Variants in NEGR1 observed in about 807,000 individuals in gnomAD.
The protein encoded by NEGR1 is neuronal growth regulator 1.
NEGR1 carries 10 observed loss-of-function variants against 40.9 expected under a neutral mutation model. That is an observed-to-expected ratio of 0.24 (90% confidence interval 0.15 to 0.42). The LOEUF (loss-of-function observed/expected upper bound fraction) is 0.42. NEGR1 is among the 10% of genes least tolerant of loss of function. The pLI is 1.00. For missense variants in NEGR1, 352 were observed against 438.9 expected (o/e 0.80, Z 1.77); for synonymous variants, 185 against 166.8 (o/e 1.11, Z -0.84).
chr1:71,868,505 T>C (rs1328891582), intron 2 of NEGR1, among the ~76,000 whole-genome samples: 1 of 151,894 alleles, frequency 6.6e-6, no homozygotes, highest in Non-Finnish European at 1.5e-5. Flanking sequence ...CATACATACA[T>C]ACATACATAC....
At chr1:71,976,622 T>C (rs1176087152) in intron 1 of NEGR1, among the ~76,000 whole-genome samples, 1 of 152,192 alleles carries the variant, frequency 6.6e-6, no homozygotes, top group Non-Finnish European at 1.5e-5. Context: ...TTGGGTAGCT[T>C]TTTTTAAAAA....
intron 1 of NEGR1, among the ~76,000 whole-genome samples, chr1:71,954,944 T>C (rs1377738916): frequency 6.6e-6 from 1 of 152,162 alleles, no homozygotes; most frequent in South Asian, 2.1e-4. Context: ...GCAAAAGTAA[T>C]TTATAGAGTT....
rs573034282 is a variant in NEGR1, at chr1:72,210,039, G to A, written c.176+72280C>T. Among the ~76,000 whole-genome samples, 6 of 151,922 alleles carry A rather than the reference G, an allele frequency of 3.9e-5. No homozygotes were observed. In the South Asian group the frequency reaches 8.3e-4, roughly 21 times the overall value. On this transcript the variant is annotated intron_variant, in intron 1 of 6. Coordinates refer to ENST00000357731, the MANE Select transcript of NEGR1 (RefSeq NM_173808.3). ...TGCGGATGATAAAGGAATAAACTAG[G>A]CTTTGGAAGATATTCTTGAAATTAC...
intron 6 of NEGR1, among the ~76,000 whole-genome samples, chr1:71,437,281 G>T (rs1364171463): frequency 6.6e-6 from 1 of 151,968 alleles, no homozygotes; most frequent in Non-Finnish European, 1.5e-5. Context: ...AGGTTTTTAG[G>T]GAGTGATAAC....
chr1:71,908,428 C>A (rs1489920868), intron 2 of NEGR1, among the ~76,000 whole-genome samples: 1 of 151,972 alleles, frequency 6.6e-6, no homozygotes, highest in Non-Finnish European at 1.5e-5. Flanking sequence ...GAACTCCAGA[C>A]AAACAGAAGA....
intron 1 of NEGR1, among the ~76,000 whole-genome samples, chr1:72,141,438 T>C (rs1028537905): frequency 2.6e-5 from 4 of 151,988 alleles, no homozygotes; most frequent in African/African-American, 7.2e-5. Flanking sequence ...GAATCAAACA[T>C]CCAACCTTAT....
chr1:71,775,985 T>C (rs1160331801), intron 3 of NEGR1, among the ~76,000 whole-genome samples, 187 bp downstream of exon 3: 2 of 143,972 alleles, frequency 1.4e-5, no homozygotes, highest in African/African-American at 5.1e-5. Context: ...AGAGTAAGAC[T>C]CTGTCTCAAA....
chr1:71,429,821 T>A (rs527942614), intron 6 of NEGR1, among the ~76,000 whole-genome samples: 3 of 152,200 alleles, frequency 2.0e-5, no homozygotes, highest in African/African-American at 4.8e-5. Flanking sequence ...TGAGAAATAT[T>A]TAAGAGATGT....
chr1:72,081,525 G>A (rs1647996486), intron 1 of NEGR1, among the ~76,000 whole-genome samples: 1 of 152,036 alleles, frequency 6.6e-6, no homozygotes, highest in South Asian at 2.1e-4. Context: ...ATGTTTCTGT[G>A]TAATTTATTA....
chr1:72,132,342 A>C (rs1650290996), intron 1 of NEGR1, among the ~76,000 whole-genome samples: 1 of 152,322 alleles, frequency 6.6e-6, no homozygotes, highest in East Asian at 1.9e-4. Flanking sequence ...ACCTGAGGTC[A>C]GAAAAAAGGG....
intron 1 of NEGR1, among the ~76,000 whole-genome samples, chr1:71,998,039 CCTGA>C (rs1646520309): frequency 6.6e-6 from 1 of 151,798 alleles, no homozygotes; most frequent in Non-Finnish European, 1.5e-5. Flanking sequence ...CTTAATTTTC[CCTGA>C]CTAAGAAGAA....
chr1:72,117,706 A>G (rs1311040048), intron 1 of NEGR1, among the ~76,000 whole-genome samples: 1 of 151,800 alleles, frequency 6.6e-6, no homozygotes, highest in Non-Finnish European at 1.5e-5. Flanking sequence ...TCCGCAATGG[A>G]AAATAAATAT....
intron 4 of NEGR1, among the ~76,000 whole-genome samples, chr1:71,683,125 G>A (rs577257079): frequency 1.3e-5 from 2 of 152,116 alleles, no homozygotes; most frequent in African/African-American, 4.8e-5. Flanking sequence ...TAGGTTTTCC[G>A]AGGAGAATTT....
chr1:71,676,642 A>C (rs996856124), intron 4 of NEGR1, among the ~76,000 whole-genome samples: 1 of 152,190 alleles, frequency 6.6e-6, no homozygotes, highest in African/African-American at 2.4e-5. Flanking sequence ...GCTAACCATT[A>C]TCTCTTCTCA....
chr1:71,418,344 TA>T (rs1445431948), intron 6 of NEGR1, among the ~76,000 whole-genome samples: 2,019 of 151,732 alleles, frequency 0.013, 41 homozygotes, highest in African/African-American at 0.046. Flanking sequence ...GATGGAGTCT[TA>T]CTCTGTCGCC....
intron 4 of NEGR1, among the ~76,000 whole-genome samples, chr1:71,683,380 T>C (rs1166059585): frequency 6.6e-6 from 1 of 151,964 alleles, no homozygotes; most frequent in Non-Finnish European, 1.5e-5. Context: ...GAGAGAAAAA[T>C]CATTTTTATA....
intron 1 of NEGR1, among the ~76,000 whole-genome samples, chr1:72,127,776 A>G (rs17092384): frequency 0.024 from 3,589 of 152,216 alleles, 105 homozygotes; most frequent in African/African-American, 0.06. Context: ...TGGACTCACA[A>G]TGGTTCTAAT....
intron 2 of NEGR1, among the ~76,000 whole-genome samples, chr1:71,850,330 A>G (rs1351078763): frequency 6.6e-6 from 1 of 151,856 alleles, no homozygotes; most frequent in Non-Finnish European, 1.5e-5. Flanking sequence ...AAATATTTAT[A>G]TTTTTGTTAG....
intron 2 of NEGR1, among the ~76,000 whole-genome samples, chr1:71,882,760 C>T (rs1170418432): frequency 6.6e-6 from 1 of 151,092 alleles, no homozygotes; most frequent in African/African-American, 2.4e-5. Flanking sequence ...GAGGTCTTCC[C>T]AAGGATTTAA....
Sources: gnomAD v4.1 joint callset for allele counts (sites outside exome capture counted in the v4.1 genomes callset) on GRCh38, gnomAD v4.1.1 for gene constraint, MANE v1.5 for transcripts, NCBI Gene and HGNC (gene_info 2026-07-23, HGNC 2026-07-21) for gene names.